Variants in PRELID2 observed in about 807,000 individuals in gnomAD.
PRELID2 encodes the protein PRELI domain-containing protein 2.
Under a neutral mutation model 28.4 loss-of-function variants are expected in PRELID2, and 25 were observed. The observed-to-expected ratio is 0.88, with a 90% CI of 0.64 to 1.23. The LOEUF is 1.23. Among genes scored for constraint, PRELID2 ranks in the 50% most tolerant of loss-of-function variants. The pLI, the probability that PRELID2 is intolerant of heterozygous loss-of-function variation, is 0.00. For missense variants in PRELID2, 201 were observed against 214.4 expected, an observed-to-expected ratio of 0.94 and a Z score of 0.39; for synonymous variants, 76 against 71.6, an observed-to-expected ratio of 1.06 and a Z score of -0.31.
chr5:145,806,860 C>A (rs1445178017), intron 4 of PRELID2, among the ~76,000 whole-genome samples: 2 of 152,138 alleles, frequency 1.3e-5, no homozygotes, highest in Non-Finnish European at 2.9e-5. Flanking sequence ...TTCTTCTTCA[C>A]CTTCCACCAT....
chr5:145,562,312 A>C (rs1752931217), intron 1 of PRELID2, among the ~76,000 whole-genome samples: 3 of 152,096 alleles, frequency 2.0e-5, no homozygotes. Flanking sequence ...TTAGTCCTTG[A>C]CTCCAGAAAA....
chr5:145,258,100 G>T, the PRELID2 span, among the ~76,000 whole-genome samples: 1 of 152,150 alleles, frequency 6.6e-6, no homozygotes, highest in African/African-American at 2.4e-5. Context: ...AGCCTCCTGA[G>T]AAGCAGATGC....
the PRELID2 span, among the ~76,000 whole-genome samples, chr5:145,361,517 A>C: frequency 6.6e-6 from 1 of 152,270 alleles, no homozygotes; most frequent in South Asian, 2.1e-4. Flanking sequence ...GCATCCATTT[A>C]ATCTTATATT....
At chr5:145,429,009 A>G in the PRELID2 span, among the ~76,000 whole-genome samples, 2 of 152,140 alleles carry the variant, frequency 1.3e-5, no homozygotes, top group African/African-American at 4.8e-5. Context: ...GGGGCCTTGG[A>G]AGCCTTTGTA....
chr5:145,334,264 G>A, the PRELID2 span, among the ~76,000 whole-genome samples: 1 of 152,046 alleles, frequency 6.6e-6, no homozygotes, highest in Non-Finnish European at 1.5e-5. Context: ...TTACTATGAG[G>A]CTTACATAAA....
the PRELID2 span, among the ~76,000 whole-genome samples, chr5:145,374,835 T>C: frequency 6.6e-6 from 1 of 152,172 alleles, no homozygotes; most frequent in African/African-American, 2.4e-5. Flanking sequence ...CTCCATCAGG[T>C]CATTTATGTT....
intron 1 of PRELID2, among the ~76,000 whole-genome samples, chr5:145,740,657 T>C (rs1370602835): frequency 1.0e-5 from 1 of 100,192 alleles, no homozygotes; most frequent in Non-Finnish European, 1.8e-5. Context: ...ATTTTATATA[T>C]AAATAAAATA....
At chr5:145,750,091 T>A (rs1238715341) in intron 1 of PRELID2, among the ~76,000 whole-genome samples, 1 of 150,886 alleles carries the variant, frequency 6.6e-6, no homozygotes, top group African/African-American at 2.5e-5. Flanking sequence ...CTTAAAAAAT[T>A]AAATTAAAAA....
At chr5:145,440,467 C>G in the PRELID2 span, among the ~76,000 whole-genome samples, 1 of 152,058 alleles carries the variant, frequency 6.6e-6, no homozygotes, top group African/African-American at 2.4e-5. Context: ...AGGAGCCATA[C>G]CAGTTGTATC....
the PRELID2 span, among the ~76,000 whole-genome samples, chr5:145,268,328 T>C: frequency 6.7e-6 from 1 of 148,906 alleles, no homozygotes; most frequent in Non-Finnish European, 1.5e-5. Context: ...TGGCAAAAGA[T>C]ATGGGCTCTA....
chr5:145,753,738 G>A (rs989064125), downstream of PRELID2, among the ~76,000 whole-genome samples: 3 of 152,176 alleles, frequency 2.0e-5, no homozygotes, highest in African/African-American at 4.8e-5. Context: ...ATCTCTGAGG[G>A]TGAGACCCTG....
chr5:145,235,552 G>T, the PRELID2 span, among the ~76,000 whole-genome samples: 1 of 152,128 alleles, frequency 6.6e-6, no homozygotes, highest in East Asian at 1.9e-4. Flanking sequence ...GGCAAATTAG[G>T]ATTAATGAGA....
intron 1 of PRELID2, among the ~76,000 whole-genome samples, chr5:145,544,928 T>C (rs548422342): frequency 6.6e-6 from 1 of 152,240 alleles, no homozygotes; most frequent in East Asian, 1.9e-4. Context: ...CAACAAACTT[T>C]AGTTGCATTC....
intron 1 of PRELID2, among the ~76,000 whole-genome samples, chr5:145,710,931 T>G (rs1487178701): frequency 6.6e-6 from 1 of 152,228 alleles, no homozygotes; most frequent in Non-Finnish European, 1.5e-5. Flanking sequence ...TGCATTCAGC[T>G]AAGCACACAG....
downstream of PRELID2, chr5:145,471,700 C>G (rs2126605856): frequency 6.6e-6 from 1 of 152,054 alleles, no homozygotes; most frequent in South Asian, 2.1e-4. Context: ...TCCTTTTTCC[C>G]TGAAAAACTT....
At chr5:145,297,685 G>C in the PRELID2 span, among the ~76,000 whole-genome samples, 9 of 151,768 alleles carry the variant, frequency 5.9e-5, no homozygotes, top group Admixed American at 1.3e-4. Flanking sequence ...AATTGTCCCT[G>C]TTTGCAGATG....
At chr5:145,687,730 G>A (rs1581058615) in intron 1 of PRELID2, among the ~76,000 whole-genome samples, 1 of 152,246 alleles carries the variant, frequency 6.6e-6, no homozygotes, top group East Asian at 1.9e-4. Context: ...ATGAATAAAT[G>A]AGTAGAATCA....
At chr5:145,451,144 A>G in the PRELID2 span, 1 of 152,228 alleles carries the variant, frequency 6.6e-6, no homozygotes, top group African/African-American at 2.4e-5. Flanking sequence ...GTTGACTTCA[A>G]AGTAATTCAT....
the PRELID2 span, among the ~76,000 whole-genome samples, chr5:145,383,359 C>CAT: frequency 1.6e-4 from 24 of 148,730 alleles, no homozygotes; most frequent in Admixed American, 4.0e-4. Context: ...TACACACGTC[C>CAT]ATATATATAT....
Sources: gnomAD v4.1 joint callset for allele counts (sites outside exome capture counted in the v4.1 genomes callset) on GRCh38, gnomAD v4.1.1 for gene constraint, MANE v1.5 for transcripts, NCBI Gene and HGNC (gene_info 2026-07-23, HGNC 2026-07-21) for gene names.